The following ARAP2 variants were observed in gnomAD, a reference collection of about 807,000 sequenced individuals.
ARAP2 encodes ArfGAP with RhoGAP domain, ankyrin repeat and PH domain 2, also known as arf-GAP with Rho-GAP domain, ANK repeat and PH domain-containing protein 2.
Under a neutral mutation model 194.5 loss-of-function variants are expected in ARAP2, and 148 were observed. That is an observed-to-expected ratio of 0.76 (90% CI 0.67 to 0.87). The LOEUF (loss-of-function observed/expected upper bound fraction) is 0.87, where lower values mean the gene tolerates loss of function less well. Ranked by LOEUF, ARAP2 falls within the 40% of genes least tolerant of loss-of-function variation. ARAP2 has a pLI of 0.00. For synonymous variants in ARAP2, 695 were observed against 683.5 expected (o/e 1.02, Z -0.26); for missense variants, 2,128 against 1,989.7 (o/e 1.07, Z -1.32).
chr4:36,151,871 C>T (rs973295690), intron 15 of ARAP2, among the ~76,000 whole-genome samples: 1 of 151,850 alleles, frequency 6.6e-6, no homozygotes, highest in Non-Finnish European at 1.5e-5. Context: ...ATGTAAAATG[C>T]TAATAATTGA....
intron 15 of ARAP2, 67 bp from the exon 16 acceptor site, chr4:36,151,111 C>A (rs1307163063): frequency 1.5e-6 from 2 of 1,374,886 alleles, no homozygotes; most frequent in Admixed American, 2.3e-5. Context: ...AAAACAAAAA[C>A]ATACTTCTAA....
intron 15 of ARAP2, among the ~76,000 whole-genome samples, chr4:36,151,341 G>T (rs1291454587): frequency 6.6e-6 from 1 of 152,066 alleles, no homozygotes; most frequent in Admixed American, 6.6e-5. Flanking sequence ...AAGCTGCAAA[G>T]AATAAAATGT....
intron 5 of ARAP2, among the ~76,000 whole-genome samples, chr4:36,028,620 G>GA (rs5857466): frequency 0.62 from 93,125 of 150,482 alleles, 29,661 homozygotes; most frequent in Admixed American, 0.76. Flanking sequence ...TTTTTTTCCT[G>GA]AAAAAATCAG....
At chr4:36,203,012 G>A (rs894072853) in intron 6 of ARAP2, among the ~76,000 whole-genome samples, 2 of 152,164 alleles carry the variant, frequency 1.3e-5, no homozygotes, top group Admixed American at 1.3e-4. Flanking sequence ...ATGAAAGTGA[G>A]GGTGAGGTGC....
intron 5 of ARAP2, among the ~76,000 whole-genome samples, chr4:36,025,070 T>C (rs938116996): frequency 2.6e-5 from 4 of 152,134 alleles, no homozygotes; most frequent in African/African-American, 9.7e-5. Flanking sequence ...ATATTCAACT[T>C]TGGCAGGGGG....
At chr4:36,142,409 C>A (rs1728566931) in intron 19 of ARAP2, among the ~76,000 whole-genome samples, 1 of 151,440 alleles carries the variant, frequency 6.6e-6, no homozygotes, top group African/African-American at 2.4e-5. Context: ...AAACCCCTTA[C>A]CTCGTTAATC....
At chr4:36,011,465 A>G (rs1714535784) in intron 9 of ARAP2, among the ~76,000 whole-genome samples, 1 of 152,208 alleles carries the variant, frequency 6.6e-6, no homozygotes, top group Admixed American at 6.5e-5. Context: ...ACAGTAGACA[A>G]AGTCTGCCTG....
chr4:36,068,573 G>A (rs1053325193), intron 32 of ARAP2, among the ~76,000 whole-genome samples: 2 of 152,188 alleles, frequency 1.3e-5, no homozygotes, highest in Admixed American at 6.5e-5. Flanking sequence ...TCTGAATTTC[G>A]ATCTTTTCCC....
Position 36,144,930 on chromosome 4 carries a change from AAT to A in ARAP2, c.3263+2364_3263+2365del, listed in dbSNP as rs149729926. ...ATCTACTTCCACTTAATGAATAGTA[AAT>A]ATGTTTTCCCTTATGATTTTAATAG... On this transcript the variant is annotated intron_variant, in intron 19 of 32. Coordinates refer to ENST00000303965, the MANE Select transcript of ARAP2 (RefSeq NM_015230.4). 6.0e-3 allele frequency among the ~76,000 whole-genome samples: 908 copies of A among 152,048 alleles called. 2 individuals carry two copies. Among genetic ancestry groups the A allele is most frequent in the Non-Finnish European group, 0.011 (738 of 67,884 alleles).
At chr4:36,209,298 C>A in intron 6 of ARAP2, 1 of 429,236 alleles carries the variant, frequency 2.3e-6, no homozygotes, top group South Asian at 1.7e-5. Flanking sequence ...ACCAATAATA[C>A]TTAGGACTAA....
At chr4:36,224,661 T>C (rs200098121) in intron 2 of ARAP2, among the ~76,000 whole-genome samples, 2 of 152,178 alleles carry the variant, frequency 1.3e-5, no homozygotes, top group African/African-American at 2.4e-5. Flanking sequence ...ATTGAGCAGA[T>C]AGATACCCTC....
chr4:36,192,080 C>T (rs1412601317), intron 7 of ARAP2, among the ~76,000 whole-genome samples: 27 of 151,556 alleles, frequency 1.8e-4, no homozygotes, highest in Non-Finnish European at 3.7e-4. Flanking sequence ...AAAATAGTGG[C>T]TATGGCCACA....
intron 28 of ARAP2, among the ~76,000 whole-genome samples, chr4:36,089,051 G>A (rs1472410618): frequency 6.6e-6 from 1 of 152,024 alleles, no homozygotes; most frequent in African/African-American, 2.4e-5. Flanking sequence ...ATACCCCCAT[G>A]TGACCACCAT....
At chr4:36,143,688 C>A (rs1044868461) in intron 19 of ARAP2, among the ~76,000 whole-genome samples, 1 of 151,646 alleles carries the variant, frequency 6.6e-6, no homozygotes, top group South Asian at 2.1e-4. Flanking sequence ...AATATAATTG[C>A]GTTTAAATGG....
At chr4:36,061,320 A>G (rs1724400413), downstream of ARAP2, among the ~76,000 whole-genome samples, 1 of 152,076 alleles carries the variant, frequency 6.6e-6, no homozygotes, top group Admixed American at 6.6e-5. Flanking sequence ...ATTCTTTTGT[A>G]TCCATTAACC....
chr4:36,044,810 AT>A (rs1281713959), intron 5 of ARAP2, among the ~76,000 whole-genome samples: 2 of 152,164 alleles, frequency 1.3e-5, no homozygotes, highest in African/African-American at 4.8e-5. Flanking sequence ...TGATAAGGGG[AT>A]AAATTCAAAA....
intron 2 of ARAP2, among the ~76,000 whole-genome samples, chr4:36,055,068 G>T (rs1475804409): frequency 6.6e-6 from 1 of 152,138 alleles, no homozygotes; most frequent in Non-Finnish European, 1.5e-5. Context: ...TTTGTCATTT[G>T]TACAGTCAAC....
At chr4:36,128,094 A>T (rs1186969012) in intron 21 of ARAP2, among the ~76,000 whole-genome samples, 1 of 152,014 alleles carries the variant, frequency 6.6e-6, no homozygotes, top group African/African-American at 2.4e-5. Flanking sequence ...AGTTAAAAAA[A>T]TTGTTATATA....
At chr4:36,237,600 T>C (rs1202941990) in intron 1 of ARAP2, among the ~76,000 whole-genome samples, 3 of 152,174 alleles carry the variant, frequency 2.0e-5, no homozygotes, top group Non-Finnish European at 4.4e-5. Flanking sequence ...TCTGATATGC[T>C]AGCTTCCCCT....
Sources: gnomAD v4.1 joint callset for allele counts (sites outside exome capture counted in the v4.1 genomes callset) on GRCh38, gnomAD v4.1.1 for gene constraint, MANE v1.5 for transcripts, NCBI Gene and HGNC (gene_info 2026-07-23, HGNC 2026-07-21) for gene names.